PRR16: variants seen among roughly 807,000 people sequenced by gnomAD.
PRR16 encodes proline rich 16, also known as protein Largen.
A neutral mutation model predicts 18.2 loss-of-function variants in PRR16; 6 were observed. The ratio of observed to expected loss-of-function variants is 0.33; its 90% CI spans 0.18 to 0.65. The LOEUF (loss-of-function observed/expected upper bound fraction) is 0.65. Ranked by LOEUF, PRR16 falls within the 30% of genes least tolerant of loss-of-function variation. The pLI is 0.74. For missense variants in PRR16, 412 were observed against 376.6 expected (o/e 1.09, Z -0.78); for synonymous variants, 151 against 147.8 (o/e 1.02, Z -0.16).
chr5:120,690,841 T>C (rs1350537927), downstream of PRR16, among the ~76,000 whole-genome samples: 4 of 152,140 alleles, frequency 2.6e-5, no homozygotes, highest in African/African-American at 9.7e-5. Context: ...TTTGAAGCAC[T>C]TGGATTTATC....
intron 1 of PRR16, among the ~76,000 whole-genome samples, chr5:120,681,462 T>A (rs370335311): frequency 6.6e-6 from 1 of 152,186 alleles, no homozygotes; most frequent in South Asian, 2.1e-4. Flanking sequence ...TTCTTTTTCC[T>A]AGTATTTAGC....
At chr5:120,535,666 G>A (rs1041053837) in intron 1 of PRR16, among the ~76,000 whole-genome samples, 2 of 152,100 alleles carry the variant, frequency 1.3e-5, no homozygotes, top group African/African-American at 4.8e-5. Context: ...CAGGTGTGGT[G>A]GCTCACTCCT....
downstream of PRR16, among the ~76,000 whole-genome samples, chr5:120,688,416 A>G (rs2150158267): frequency 6.6e-6 from 1 of 152,332 alleles, no homozygotes; most frequent in Non-Finnish European, 1.5e-5. Flanking sequence ...AAGAAAGACC[A>G]TAATCTAAAA....
At chr5:120,505,946 G>GTA (rs10635515) in intron 1 of PRR16, among the ~76,000 whole-genome samples, 19,508 of 141,036 alleles carry the variant, frequency 0.14, 1,303 homozygotes, top group Middle Eastern at 0.19. Flanking sequence ...GTGTGTGTGT[G>GTA]TATATATATA....
At chr5:120,482,788 A>G (rs1184673317) in intron 1 of PRR16, among the ~76,000 whole-genome samples, 1 of 152,134 alleles carries the variant, frequency 6.6e-6, no homozygotes. Context: ...TTACCCTGTT[A>G]GCTTACCATA....
downstream of PRR16, among the ~76,000 whole-genome samples, chr5:120,690,070 G>A (rs748116026): frequency 3.6e-4 from 55 of 152,158 alleles, no homozygotes; most frequent in Non-Finnish European, 6.5e-4. Context: ...CAGCAGAAGT[G>A]GTTTAATTAA....
At chr5:120,598,206 T>A (rs934336019) in intron 1 of PRR16, among the ~76,000 whole-genome samples, 2 of 151,950 alleles carry the variant, frequency 1.3e-5, no homozygotes, top group Non-Finnish European at 2.9e-5. Context: ...TGTGTGCAGA[T>A]TTTTTATACA....
intron 1 of PRR16, among the ~76,000 whole-genome samples, chr5:120,549,386 C>T (rs1270743607): frequency 6.6e-6 from 1 of 152,006 alleles, no homozygotes; most frequent in Admixed American, 6.6e-5. Context: ...GCCCAGGCTC[C>T]TTTATTCTTT....
In PRR16 at chr5:120,568,156, A is replaced by T. The variant is rs77092755; in HGVS notation, c.159+103511A>T. ...ATTTTAGAGGTTTGGAGAACCCGGAAAAACGGACACAGATGTGACCAGGCA... is the reference window on the plus strand; with the variant it reads ...ATTTTAGAGGTTTGGAGAACCCGGATAAACGGACACAGATGTGACCAGGCA... On this transcript the variant is annotated intron_variant, in intron 1 of 1. Transcript: ENST00000407149. Among the ~76,000 whole-genome samples the T allele has an allele frequency of 5.2e-3, 787 of 152,328 alleles. 3 individuals are homozygous for T. Among genetic ancestry groups the T allele is most frequent in the Non-Finnish European group, 8.8e-3 (601 of 68,036 alleles).
At chr5:120,491,051 C>G (rs1750017483) in intron 1 of PRR16, among the ~76,000 whole-genome samples, 1 of 152,160 alleles carries the variant, frequency 6.6e-6, no homozygotes, top group South Asian at 2.1e-4. Context: ...TGTGAGGTAT[C>G]AGTCTGCCCC....
chr5:120,733,563 A>G, the PRR16 span, among the ~76,000 whole-genome samples: 1 of 152,134 alleles, frequency 6.6e-6, no homozygotes, highest in African/African-American at 2.4e-5. Flanking sequence ...ATTGCTGAAA[A>G]TTATTTAAAT....
intron 1 of PRR16, among the ~76,000 whole-genome samples, chr5:120,624,639 C>T (rs1347877699): frequency 6.6e-6 from 1 of 152,194 alleles, no homozygotes; most frequent in Non-Finnish European, 1.5e-5. Context: ...GATACTAATT[C>T]ATAGGGGTGT....
At chr5:120,590,152 A>G (rs1337787299) in intron 1 of PRR16, among the ~76,000 whole-genome samples, 1 of 151,804 alleles carries the variant, frequency 6.6e-6, no homozygotes, top group East Asian at 1.9e-4. Flanking sequence ...CCTAAATAAC[A>G]ATATTGAATG....
chr5:120,478,861 C>A lies in PRR16; in HGVS notation c.159+14216C>A, dbSNP rs149967731. Among the ~76,000 whole-genome samples, 798 of 152,044 alleles carry A rather than the reference C, an allele frequency of 5.2e-3. 12 individuals carry two copies. Among genetic ancestry groups the A allele is most frequent in the African/African-American group, 0.018 (759 of 41,466 alleles). On this transcript the variant is annotated intron_variant, in intron 1 of 1. Transcript: ENST00000407149. ...GTTTTTCTGCTTCTGGAATATCATG[C>A]ATTTTTCTTGCCTTTAGCCATTACA...
intron 1 of PRR16, among the ~76,000 whole-genome samples, chr5:120,626,154 C>G (rs919035824): frequency 7.2e-5 from 11 of 152,042 alleles, no homozygotes; most frequent in African/African-American, 2.7e-4. Flanking sequence ...ACCCATAAAA[C>G]TGGGTTGTGA....
At chr5:120,509,112 A>G (rs1750740331) in intron 1 of PRR16, among the ~76,000 whole-genome samples, 1 of 152,106 alleles carries the variant, frequency 6.6e-6, no homozygotes, top group South Asian at 2.1e-4. Flanking sequence ...TCGATAGTGA[A>G]TTTTTAATTA....
the PRR16 span, among the ~76,000 whole-genome samples, chr5:120,771,674 C>T: frequency 6.6e-6 from 1 of 152,016 alleles, no homozygotes; most frequent in South Asian, 2.1e-4. Flanking sequence ...GGGGAAGCAG[C>T]AATCACCAGC....
At chr5:120,762,664 C>T in the PRR16 span, among the ~76,000 whole-genome samples, 1 of 151,956 alleles carries the variant, frequency 6.6e-6, no homozygotes, top group Non-Finnish European at 1.5e-5. Flanking sequence ...GCTTGAGTAC[C>T]TTGTGTGTTC....
At chr5:120,531,028 G>A (rs1388531712) in intron 1 of PRR16, among the ~76,000 whole-genome samples, 1 of 152,134 alleles carries the variant, frequency 6.6e-6, no homozygotes, top group African/African-American at 2.4e-5. Context: ...TTAAAGATAT[G>A]CACTGGCAGC....
Sources: gnomAD v4.1 joint callset for allele counts (sites outside exome capture counted in the v4.1 genomes callset) on GRCh38, gnomAD v4.1.1 for gene constraint, MANE v1.5 for transcripts, NCBI Gene and HGNC (gene_info 2026-07-23, HGNC 2026-07-21) for gene names.